SLC1A1: variants seen among roughly 807,000 people sequenced by gnomAD.
SLC1A1 encodes excitatory amino acid transporter 3.
A neutral mutation model predicts 53.3 loss-of-function variants in SLC1A1; 43 were observed. The observed-to-expected ratio is 0.81, with a 90% CI of 0.63 to 1.04. SLC1A1 has a LOEUF of 1.04. SLC1A1 is among the 50% of genes least tolerant of loss of function. The pLI, the probability that SLC1A1 is intolerant of heterozygous loss-of-function variation, is 0.00. For missense variants in SLC1A1, 748 were observed against 664.9 expected, an observed-to-expected ratio of 1.12 and a Z score of -1.37; for synonymous variants, 307 against 243.2, an observed-to-expected ratio of 1.26 and a Z score of -2.44.
At chr9:4,546,666 A>T (rs1005322317) in intron 2 of SLC1A1, among the ~76,000 whole-genome samples, 2 of 152,142 alleles carry the variant, frequency 1.3e-5, no homozygotes, top group African/African-American at 2.4e-5. Context: ...AAGATTCTTT[A>T]AAAAAATGTT....
intron 1 of SLC1A1, among the ~76,000 whole-genome samples, chr9:4,514,885 G>A (rs1298395952): frequency 1.3e-5 from 2 of 152,062 alleles, no homozygotes; most frequent in Admixed American, 1.3e-4. Flanking sequence ...CAGTGTCAGA[G>A]GCCATCACTC....
intron 1 of SLC1A1, among the ~76,000 whole-genome samples, chr9:4,508,124 G>A (rs368614827): frequency 6.6e-6 from 1 of 151,646 alleles, no homozygotes; most frequent in Non-Finnish European, 1.5e-5. Flanking sequence ...AGAGTGGAAC[G>A]TGACCGTGGG....
chr9:4,522,407 A>G (rs1264571373), intron 1 of SLC1A1, among the ~76,000 whole-genome samples: 1 of 152,112 alleles, frequency 6.6e-6, no homozygotes, highest in Non-Finnish European at 1.5e-5. Context: ...AAGTTTAAGA[A>G]GCATAGATTT....
intron 6 of SLC1A1, among the ~76,000 whole-genome samples, chr9:4,568,178 G>A (rs888970477): frequency 7.2e-5 from 11 of 152,092 alleles, no homozygotes; most frequent in African/African-American, 2.7e-4. Context: ...CCAGCATGCT[G>A]GGATGCCGAG....
intron 1 of SLC1A1, among the ~76,000 whole-genome samples, chr9:4,510,323 G>T (rs962522131): frequency 8.5e-5 from 13 of 152,292 alleles, no homozygotes; most frequent in African/African-American, 2.9e-4. Flanking sequence ...TTTCTTCCAT[G>T]CAAGGAGGGC....
In SLC1A1 at chr9:4,572,398, C is replaced by T; in HGVS notation, c.767+10C>T. 1 of 1,610,578 alleles carries T rather than the reference C, an allele frequency of 6.2e-7. No individual in the cohort carries two copies. Among genetic ancestry groups the T allele is most frequent in the Non-Finnish European group, 8.5e-7 (1 of 1,176,798 alleles). ...TTCAGATCATCATGTGGTGAGCAGA[C>T]ACTGTTTAATGTCATTTTGCTTCCC... On this transcript the variant is annotated intron_variant, in intron 7 of 11. Coordinates refer to ENST00000262352, the MANE Select transcript of SLC1A1 (RefSeq NM_004170.6).
intron 11 of SLC1A1, among the ~76,000 whole-genome samples, chr9:4,584,490 A>C (rs1821405993): frequency 6.6e-6 from 1 of 152,206 alleles, no homozygotes; most frequent in Non-Finnish European, 1.5e-5. Context: ...CACTAGGGCC[A>C]GTTCAATCCC....
chr9:4,505,706 G>C (rs1203725079), intron 1 of SLC1A1, among the ~76,000 whole-genome samples: 2 of 152,256 alleles, frequency 1.3e-5, no homozygotes, highest in Middle Eastern at 3.4e-3. Context: ...ACCCAGGCTG[G>C]AGGGCAGTGG....
intron 1 of SLC1A1, among the ~76,000 whole-genome samples, chr9:4,527,131 C>G (rs1816291043): frequency 6.6e-6 from 1 of 152,090 alleles, no homozygotes; most frequent in Non-Finnish European, 1.5e-5. Context: ...CTTGCAGGAG[C>G]CGAGAGGAGC....
At chr9:4,577,315 G>A (rs932191397) in intron 10 of SLC1A1, among the ~76,000 whole-genome samples, 4 of 152,180 alleles carry the variant, frequency 2.6e-5, no homozygotes, top group Non-Finnish European at 4.4e-5. Context: ...GCTAGTTACA[G>A]CATACAGATT....
chr9:4,575,820 G>C (rs1276567684), intron 8 of SLC1A1, among the ~76,000 whole-genome samples, 181 bp from the exon 9 acceptor site: 2 of 152,158 alleles, frequency 1.3e-5, no homozygotes, highest in Admixed American at 1.3e-4. Flanking sequence ...TTCATGTGCT[G>C]AGAGAGCCTC....
In SLC1A1 at chr9:4,571,277, T is replaced by C. The variant is rs151021683; in HGVS notation, c.583-927T>C. Among the ~76,000 whole-genome samples the C allele has an allele frequency of 3.0e-3, 452 of 152,078 alleles. 4 individuals carry two copies. Among genetic ancestry groups the C allele is most frequent in the African/African-American group, 9.7e-3 (404 of 41,458 alleles). The stretch of plus-strand genomic sequence containing the variant: ...GGAGAGGATCAGGAAAAATAATTAA[T>C]GGATACTAGGCTTAATACCTGGGTG... On this transcript the variant is annotated intron_variant, in intron 6 of 11. Coordinates refer to ENST00000262352, the MANE Select transcript of SLC1A1 (RefSeq NM_004170.6).
At chr9:4,522,513 G>A (rs569073578) in intron 1 of SLC1A1, among the ~76,000 whole-genome samples, 49 of 152,170 alleles carry the variant, frequency 3.2e-4, no homozygotes, top group African/African-American at 1.1e-3. Context: ...GCCTTCCATG[G>A]ATTTCACCTG....
intron 2 of SLC1A1, among the ~76,000 whole-genome samples, chr9:4,545,667 G>T (rs1231085832): frequency 2.0e-5 from 3 of 152,206 alleles, no homozygotes; most frequent in African/African-American, 4.8e-5. Context: ...TGTGAGAAGG[G>T]TTTAAATATG....
Position 4,511,566 on chromosome 9 carries a change from TACACACACAC to T in SLC1A1, c.91+20821_91+20830del, listed in dbSNP as rs113277990. ...TTTTGCCTTAAACTCTTAAGAATTC[TACACACACAC>T]ACACACACACACACACACACACACT... On this transcript the variant is annotated intron_variant, in intron 1 of 11. Transcript: ENST00000262352. Among the ~76,000 whole-genome samples the T allele has an allele frequency of 1.0e-3, 150 of 146,334 alleles. 1 individual carries two copies. Among genetic ancestry groups the T allele is most frequent in the South Asian group, 9.7e-3 (43 of 4,454 alleles).
chr9:4,496,602 A>G (rs972257200), intron 1 of SLC1A1, among the ~76,000 whole-genome samples: 4 of 152,158 alleles, frequency 2.6e-5, no homozygotes, highest in African/African-American at 9.7e-5. Flanking sequence ...GATCATTAAA[A>G]ATAAAAATGC....
intron 1 of SLC1A1, among the ~76,000 whole-genome samples, chr9:4,539,875 A>C (rs982644007): frequency 2.0e-5 from 3 of 152,066 alleles, no homozygotes; most frequent in African/African-American, 7.2e-5. Flanking sequence ...CGACCTTACC[A>C]ACTTACTTAT....
chr9:4,490,801 C>A (rs773557312), intron 1 of SLC1A1, 31 bp downstream of exon 1: 39 of 1,566,112 alleles, frequency 2.5e-5, no homozygotes, highest in Non-Finnish European at 3.4e-5. Flanking sequence ...GCGATGCGCG[C>A]ACCCTCACGC....
chr9:4,526,621 T>C (rs1816269812), intron 1 of SLC1A1, among the ~76,000 whole-genome samples: 1 of 152,222 alleles, frequency 6.6e-6, no homozygotes, highest in Non-Finnish European at 1.5e-5. Flanking sequence ...TGTATACATG[T>C]TTATGTATTT....
Sources: allele counts gnomAD v4.1 joint callset (sites outside exome capture counted in the v4.1 genomes callset), GRCh38; gene constraint gnomAD v4.1.1; transcripts MANE v1.5; gene names NCBI Gene and HGNC (gene_info 2026-07-23, HGNC 2026-07-21).